The following TMEM87A variants were observed in gnomAD, a reference collection of about 807,000 sequenced individuals.
The protein encoded by TMEM87A is Golgi-pH regulating cation channel.
TMEM87A carries 50 observed loss-of-function variants against 90.0 expected under a neutral mutation model. The ratio of observed to expected loss-of-function variants is 0.56; its 90% CI spans 0.44 to 0.70. The LOEUF (loss-of-function observed/expected upper bound fraction) is 0.70, where lower values mean the gene tolerates loss of function less well. Among genes scored for constraint, TMEM87A ranks in the 30% least tolerant of loss-of-function variants. The pLI is 0.00. For synonymous variants in TMEM87A, 226 were observed against 226.7 expected (o/e 1.00, Z 0.03); for missense variants, 577 against 660.5 (o/e 0.87, Z 1.39).
chr15:42,216,139 G>A (rs1047016752), intron 19 of TMEM87A, among the ~76,000 whole-genome samples: 3 of 152,070 alleles, frequency 2.0e-5, no homozygotes, highest in African/African-American at 7.2e-5. Context: ...AGCCACAGGG[G>A]GACAAATGCT....
intron 11 of TMEM87A, chr15:42,231,782 T>A (rs2050689435): frequency 2.4e-6 from 2 of 847,262 alleles, no homozygotes; most frequent in Admixed American, 7.2e-5. Flanking sequence ...CAGGAGTTTA[T>A]ATAGAGTATG....
At chr15:42,250,282 G>A (rs1212838308) in intron 6 of TMEM87A, among the ~76,000 whole-genome samples, 2 of 152,162 alleles carry the variant, frequency 1.3e-5, no homozygotes, top group African/African-American at 2.4e-5. Flanking sequence ...GGTTAATATT[G>A]TTATGTGTGA....
chr15:42,249,470 T>G (rs1250701035), intron 6 of TMEM87A, among the ~76,000 whole-genome samples: 1 of 152,242 alleles, frequency 6.6e-6, no homozygotes. Flanking sequence ...CCAGAGATTC[T>G]GGTATGTTGT....
At chr15:42,252,840 G>T (rs146231872) in intron 6 of TMEM87A, among the ~76,000 whole-genome samples, 1 of 152,094 alleles carries the variant, frequency 6.6e-6, no homozygotes, top group East Asian at 1.9e-4. Flanking sequence ...TATGCCATAC[G>T]TTGTTTCTGT....
intron 7 of TMEM87A, among the ~76,000 whole-genome samples, chr15:42,242,594 G>C (rs536698854): frequency 7.0e-4 from 106 of 152,124 alleles, no homozygotes; most frequent in African/African-American, 2.4e-3. Flanking sequence ...GACAGACAGA[G>C]AGAATATGCG....
At chr15:42,233,442 G>A in intron 10 of TMEM87A, 136 bp from the exon 11 acceptor site, 2 of 617,986 alleles carry the variant, frequency 3.2e-6, no homozygotes, top group Admixed American at 3.0e-5. Context: ...TCACCTAAGA[G>A]AAAAAAACTA....
intron 6 of TMEM87A, among the ~76,000 whole-genome samples, chr15:42,245,138 A>G (rs2050948454): frequency 6.6e-6 from 1 of 152,200 alleles, no homozygotes; most frequent in Admixed American, 6.5e-5. Flanking sequence ...AGGTTATCTT[A>G]GTAAAATTTA....
At chr15:42,237,007 T>G (rs544775974) in intron 9 of TMEM87A, among the ~76,000 whole-genome samples, 1 of 152,328 alleles carries the variant, frequency 6.6e-6, no homozygotes, top group Non-Finnish European at 1.5e-5. Flanking sequence ...CTCTCCTATT[T>G]TCTTGATATG....
At chr15:42,227,634 A>T in intron 14 of TMEM87A, 77 bp downstream of exon 14, 1 of 1,368,466 alleles carries the variant, frequency 7.3e-7, no homozygotes, top group African/African-American at 1.4e-5. Context: ...ATAACTTAGA[A>T]GAACCTTACC....
In TMEM87A at chr15:42,228,725, A is replaced by C. The variant is rs761892508; in HGVS notation, c.1227T>G (p.Ile409Met). The C allele has an allele frequency of 6.2e-7, 1 of 1,613,894 alleles. No individual in the cohort carries two copies. The highest frequency in any genetic ancestry group is 2.2e-5 in the East Asian group (1 of 44,856). Residue 409 changes from isoleucine (I) to methionine (M), a missense_variant, in exon 13 of 20, where the codon ATT becomes ATG. By Grantham distance (10) the Ile-to-Met change is conservative. Coordinates refer to ENST00000389834, the MANE Select transcript of TMEM87A (RefSeq NM_015497.5). ...SLYRHFTNTL[I>M]LAVAASIVFI... ...TCCCAGACTTACCTGCCACTGCCAA[A>C]ATAAGCGTGTTGGTGAAATGCCGAT...
chr15:42,268,954 G>A (rs1034457096), intron 2 of TMEM87A, among the ~76,000 whole-genome samples: 8 of 151,926 alleles, frequency 5.3e-5, no homozygotes, highest in Non-Finnish European at 8.8e-5. Flanking sequence ...AGCAATGAAC[G>A]AAAAGCAAAC....
intron 15 of TMEM87A, among the ~76,000 whole-genome samples, chr15:42,222,637 C>A (rs1483276297): frequency 1.3e-5 from 2 of 151,996 alleles, no homozygotes. Flanking sequence ...CAGCTCGCTG[C>A]AACCTCCGCC....
At chr15:42,273,512 G>C (rs1014390854), upstream of TMEM87A, 4 of 1,507,368 alleles carry the variant, frequency 2.7e-6, no homozygotes, top group Non-Finnish European at 3.5e-6. Flanking sequence ...ACGTCGCGGA[G>C]CTTGTTTGCT....
At chr15:42,272,731 C>A in intron 1 of TMEM87A, 1 of 328,672 alleles carries the variant, frequency 3.0e-6, no homozygotes. Context: ...TGTTAAAACA[C>A]ATTTCTTAAA....
chr15:42,241,164 AT>A, intron 7 of TMEM87A, among the ~76,000 whole-genome samples: 1 of 152,336 alleles, frequency 6.6e-6, no homozygotes, highest in East Asian at 1.9e-4. Context: ...TAAAATATAC[AT>A]TTACTAAGCA....
At chr15:42,225,816 C>T (rs562511080) in intron 15 of TMEM87A, among the ~76,000 whole-genome samples, 5 of 152,210 alleles carry the variant, frequency 3.3e-5, no homozygotes, top group African/African-American at 1.2e-4. Flanking sequence ...GGATTACAGG[C>T]ATGAGCCACC....
At chr15:42,267,743 G>A (rs2051434042) in intron 3 of TMEM87A, among the ~76,000 whole-genome samples, 1 of 152,034 alleles carries the variant, frequency 6.6e-6, no homozygotes, top group Non-Finnish European at 1.5e-5. Flanking sequence ...AAGGCTTTCT[G>A]GAGTCCACAA....
At chr15:42,264,956 C>T (rs1350675600) in intron 3 of TMEM87A, among the ~76,000 whole-genome samples, 1 of 152,078 alleles carries the variant, frequency 6.6e-6, no homozygotes, top group Middle Eastern at 3.4e-3. Context: ...CGTGGTATTT[C>T]GCTTTCTGTT....
Position 42,211,632 on chromosome 15 carries a change from G to T in TMEM87A, c.*76C>A. 1 of 1,402,216 alleles carries T rather than the reference G, an allele frequency of 7.1e-7. No homozygotes were observed. Among genetic ancestry groups the T allele is most frequent in the Non-Finnish European group, 1.0e-6 (1 of 998,186 alleles). The allele number at this position is 1,402,216 out of a possible 1,614,324, so 86.9% of individuals were successfully genotyped here. Reference sequence around the variant, plus strand: ...TCATTGCTTCCTTTAATCCCATGGAGCCGTACAGAAGACTGACACAGATGC... The same window carrying T: ...TCATTGCTTCCTTTAATCCCATGGATCCGTACAGAAGACTGACACAGATGC... On this transcript the variant is annotated 3_prime_UTR_variant, in exon 20 of 20. Coordinates refer to ENST00000389834, the MANE Select transcript of TMEM87A (RefSeq NM_015497.5).
Sources: allele counts gnomAD v4.1 joint callset (sites outside exome capture counted in the v4.1 genomes callset), GRCh38; gene constraint gnomAD v4.1.1; transcripts MANE v1.5; gene names NCBI Gene and HGNC (gene_info 2026-07-23, HGNC 2026-07-21).